The following DUSP3 variants were observed in gnomAD, a reference collection of about 807,000 sequenced individuals.
DUSP3 encodes the protein dual specificity protein phosphatase 3.
Under a neutral mutation model 15.5 loss-of-function variants are expected in DUSP3, and 7 were observed. The observed-to-expected ratio is 0.45, with a 90% CI of 0.26 to 0.85. The LOEUF is 0.85. DUSP3 is among the 40% of genes least tolerant of loss of function. DUSP3 has a pLI of 0.18. For missense variants in DUSP3, 209 were observed against 251.7 expected (o/e 0.83, Z 1.15); for synonymous variants, 86 against 104.2 (o/e 0.83, Z 1.07).
At chr17:43,772,848 G>A (rs553012039) in intron 2 of DUSP3, among the ~76,000 whole-genome samples, 1 of 152,132 alleles carries the variant, frequency 6.6e-6, no homozygotes, top group African/African-American at 2.4e-5. Context: ...GAGAGGCAGA[G>A]AGAACTTTTC....
In DUSP3 at chr17:43,772,604, T is replaced by C. The variant is rs76080937; in HGVS notation, c.352+2108A>G. 6.8e-3 allele frequency among the ~76,000 whole-genome samples: 1,035 copies of C among 152,330 alleles called. 11 individuals are homozygous for C. Among genetic ancestry groups the C allele is most frequent in the African/African-American group, 0.024 (980 of 41,586 alleles). The stretch of plus-strand genomic sequence containing the variant: ...ACTGTTGGAGGCCAGCATGTTTCTG[T>C]TGACTCACTTCGCCACTCATTCTTA... On this transcript the variant is annotated intron_variant, in intron 2 of 2. Transcript: ENST00000226004.
intron 1 of DUSP3, 132 bp downstream of exon 1, chr17:43,778,668 C>T (rs1417414865): frequency 2.4e-6 from 3 of 1,242,620 alleles, no homozygotes; most frequent in Non-Finnish European, 3.1e-6. Context: ...CCCAAGCCCC[C>T]GCTGTGGCTC....
intron 1 of DUSP3, chr17:43,777,545 C>A: frequency 2.2e-6 from 1 of 455,966 alleles, no homozygotes; most frequent in Middle Eastern, 3.3e-4. Flanking sequence ...AAGACATTGA[C>A]CCTGTCCTTG....
At chr17:43,775,036 A>AGGGTTTCCTTGCTTTGCT in intron 1 of DUSP3, 98 bp from the exon 2 acceptor site, 1 of 1,265,930 alleles carries the variant, frequency 7.9e-7, no homozygotes, top group Non-Finnish European at 1.2e-6. Flanking sequence ...CAAAGCAAGG[A>AGGGTTTCCTTGCTTTGCT]AACCCTCCAT....
intron 1 of DUSP3, 79 bp from the exon 2 acceptor site, chr17:43,775,017 GC>G (rs1974369860): frequency 1.9e-5 from 27 of 1,455,944 alleles, no homozygotes; most frequent in Non-Finnish European, 2.6e-5. Flanking sequence ...AAGGATTTAA[GC>G]CTCTTAGCAA....
Position 43,769,600 on chromosome 17 carries a change from G to A in DUSP3, c.*9C>T. On this transcript the variant is annotated 3_prime_UTR_variant, in exon 3 of 3. Coordinates refer to ENST00000226004, the MANE Select transcript of DUSP3 (RefSeq NM_004090.4). ...CACGGACCTCTCGAGCAGAGGTGGTGGGGGTGCCCTAGGGTTTCAACTTCC... is the reference window on the plus strand; with the variant it reads ...CACGGACCTCTCGAGCAGAGGTGGTAGGGGTGCCCTAGGGTTTCAACTTCC... 1 of 1,610,098 alleles carries A rather than the reference G, an allele frequency of 6.2e-7. No individual in the cohort carries two copies. The highest frequency in any genetic ancestry group is 1.7e-5 in the Admixed American group (1 of 59,412).
rs777600237 is a variant in DUSP3, at chr17:43,769,531, T to C, written c.*78A>G. 6.5e-7 allele frequency: 1 copy of C among 1,539,250 alleles called. No homozygotes were observed. Among genetic ancestry groups the C allele is most frequent in the Non-Finnish European group, 8.9e-7 (1 of 1,123,496 alleles). On this transcript the variant is annotated 3_prime_UTR_variant, in exon 3 of 3. Transcript: ENST00000226004. The stretch of plus-strand genomic sequence containing the variant: ...TGCTGGGAGCAGGGTACAGTGTGTT[T>C]CCTAAACATGGCAGCTCGGGACACC...
rs558016791 is a variant in DUSP3 at position 43,769,844 on chromosome 17, TG to T, written c.353-31del. 8 of 1,612,556 alleles carry T rather than the reference TG, an allele frequency of 5.0e-6. No individual in the cohort carries two copies. In the African/African-American group the frequency reaches 9.3e-5, roughly 19 times the overall value. The stretch of plus-strand genomic sequence containing the variant: ...AAGAAACAGGGGAGACGTGGTGAGC[TG>T]GGGGCGTCCCATCACACCATGGCGT... On this transcript the variant is annotated intron_variant, in intron 2 of 2. Coordinates refer to ENST00000226004, the MANE Select transcript of DUSP3 (RefSeq NM_004090.4).
chr17:43,777,327 A>G (rs186729153), intron 1 of DUSP3, among the ~76,000 whole-genome samples: 108 of 152,304 alleles, frequency 7.1e-4, no homozygotes, highest in African/African-American at 2.6e-3. Flanking sequence ...CATTATTACT[A>G]TCTCTACTAT....
intron 1 of DUSP3, among the ~76,000 whole-genome samples, chr17:43,775,681 C>G (rs1448467304): frequency 6.6e-6 from 1 of 152,140 alleles, no homozygotes; most frequent in African/African-American, 2.4e-5. Flanking sequence ...ATAAATTTGT[C>G]ACGTACCAGG....
In DUSP3 at chr17:43,769,825, CAG is replaced by C. The variant is rs769548465; in HGVS notation, c.353-13_353-12del. 8.7e-6 allele frequency: 14 copies of C among 1,613,812 alleles called. No homozygotes were observed. The highest frequency in any genetic ancestry group is 2.7e-5 in the African/African-American group (2 of 74,916). On this transcript the variant is annotated splice_polypyrimidine_tract_variant and intron_variant, in intron 2 of 2. Transcript: ENST00000226004. Reference sequence around the variant, plus strand: ...GGACGAGCACCCGGCCTGTAAGAAACAGGGGAGACGTGGTGAGCTGGGGGCGT... The same window carrying C: ...GGACGAGCACCCGGCCTGTAAGAAACGGGAGACGTGGTGAGCTGGGGGCGT...
At chr17:43,777,956 AC>A (rs1463087126) in intron 1 of DUSP3, 1 of 155,628 alleles carries the variant, frequency 6.4e-6, no homozygotes, top group Non-Finnish European at 1.4e-5. Context: ...TGGCCAAGAG[AC>A]CAGCCTGGCC....
intron 2 of DUSP3, among the ~76,000 whole-genome samples, chr17:43,771,695 C>T (rs761706754): frequency 9.9e-5 from 15 of 151,774 alleles, no homozygotes; most frequent in Non-Finnish European, 2.1e-4. Flanking sequence ...ACTTTTCTCT[C>T]CCAGAGGACG....
rs1391094120 is a variant in DUSP3 at position 43,767,276 on chromosome 17, C to T, written c.*2333G>A. ...TGGTCATGGGAGGGGAGCCCCAGCCCCAGCTCCCTAGCCTTTTCCAGGAGC... is the reference window on the plus strand; with the variant it reads ...TGGTCATGGGAGGGGAGCCCCAGCCTCAGCTCCCTAGCCTTTTCCAGGAGC... On this transcript the variant is annotated 3_prime_UTR_variant, in exon 3 of 3. Coordinates refer to ENST00000226004, the MANE Select transcript of DUSP3 (RefSeq NM_004090.4). 2 of 152,658 alleles carry T rather than the reference C, an allele frequency of 1.3e-5. No individual in the cohort carries two copies. The highest frequency in any genetic ancestry group is 4.8e-5 in the African/African-American group (2 of 41,436). The allele number at this position is 152,658 out of a possible 1,614,324, so 9.5% of individuals were successfully genotyped here. A position where few individuals can be genotyped will look rare whatever the true frequency, so the allele number is the denominator to read the frequency against.
Position 43,766,400 on chromosome 17 carries a change from A to G in DUSP3, c.*3209T>C, listed in dbSNP as rs548513918. 2.1e-4 allele frequency: 32 copies of G among 152,320 alleles called. No individual in the cohort carries two copies. The highest frequency in any genetic ancestry group is 7.7e-4 in the African/African-American group (32 of 41,570). 9.4% of individuals were successfully genotyped at this position (152,320 alleles called of 1,614,324 possible). A position where few individuals can be genotyped will look rare whatever the true frequency, so the allele number is the denominator to read the frequency against. On this transcript the variant is annotated 3_prime_UTR_variant, in exon 3 of 3. Coordinates refer to ENST00000226004, the MANE Select transcript of DUSP3 (RefSeq NM_004090.4). ...AAACCTTGACTTACTTGCAAGGACT[A>G]TCACGGTTAGCCCTTCAGTGATTCC...
At chr17:43,772,761 C>A (rs931240146) in intron 2 of DUSP3, among the ~76,000 whole-genome samples, 5 of 152,182 alleles carry the variant, frequency 3.3e-5, no homozygotes, top group African/African-American at 1.2e-4. Context: ...AAAGTAGACC[C>A]AGCCTGAGGG....
Position 43,766,850 on chromosome 17 carries a change from TG to T in DUSP3, c.*2758del, listed in dbSNP as rs1201118266. 1 of 152,120 alleles carries T rather than the reference TG, an allele frequency of 6.6e-6. No individual in the cohort carries two copies. The highest frequency in any genetic ancestry group is 1.9e-4 in the East Asian group (1 of 5,200). 9.4% of individuals were successfully genotyped at this position (152,120 alleles called of 1,614,324 possible). A position where few individuals can be genotyped will look rare whatever the true frequency, so the allele number is the denominator to read the frequency against. ...ATTTGGCGCTCTAATTTTGCCTGGA[TG>T]GTGCTCTGTCAGTCAAAGAAAGGGA... On this transcript the variant is annotated 3_prime_UTR_variant, in exon 3 of 3. Transcript: ENST00000226004.
rs544665622 is a variant in DUSP3 at position 43,775,909 on chromosome 17, G to A, written c.126-971C>T. Among the ~76,000 whole-genome samples, 187 of 152,170 alleles carry A rather than the reference G, an allele frequency of 1.2e-3. 1 individual carries two copies. Among genetic ancestry groups the A allele is most frequent in the African/African-American group, 4.2e-3 (174 of 41,516 alleles). ...CAGGTGGATCACCTGTCAGGAGTTCGGGACCAGCCTGGCCAACATGGTGAA... is the reference window on the plus strand; with the variant it reads ...CAGGTGGATCACCTGTCAGGAGTTCAGGACCAGCCTGGCCAACATGGTGAA... On this transcript the variant is annotated intron_variant, in intron 1 of 2. Transcript: ENST00000226004.
chr17:43,778,207 G>A (rs1232235068), intron 1 of DUSP3: 2 of 152,722 alleles, frequency 1.3e-5, no homozygotes, highest in African/African-American at 4.8e-5. Context: ...GTTATCACTG[G>A]ACCGTTCTAG....
Sources: allele counts gnomAD v4.1 joint callset (sites outside exome capture counted in the v4.1 genomes callset), GRCh38; gene constraint gnomAD v4.1.1; transcripts MANE v1.5; gene names NCBI Gene and HGNC (gene_info 2026-07-23, HGNC 2026-07-21).